The following DYM variants were observed in gnomAD, a reference collection of about 807,000 sequenced individuals.
The protein encoded by DYM is dyggve-Melchior-Clausen syndrome protein.
DYM carries 78 observed loss-of-function variants against 93.1 expected under a neutral mutation model. The ratio of observed to expected loss-of-function variants is 0.84; its 90% CI spans 0.70 to 1.01. DYM has a LOEUF of 1.01. DYM is among the 50% of genes least tolerant of loss of function. DYM has a pLI of 0.00. For missense variants in DYM, 789 were observed against 845.0 expected, an observed-to-expected ratio of 0.93 and a Z score of 0.82; for synonymous variants, 321 against 319.7, an observed-to-expected ratio of 1.00 and a Z score of -0.04.
intron 17 of DYM, among the ~76,000 whole-genome samples, chr18:49,062,367 G>C (rs2076050440): frequency 6.6e-6 from 1 of 152,150 alleles, no homozygotes; most frequent in African/African-American, 2.4e-5. Flanking sequence ...CTCTTATCTA[G>C]CCCAGCTCAG....
At chr18:49,289,727 G>GTATATATATATATATATA (rs386387632) in intron 8 of DYM, among the ~76,000 whole-genome samples, 8 of 85,062 alleles carry the variant, frequency 9.4e-5, no homozygotes, top group Admixed American at 1.5e-4. Flanking sequence ...ATATATATGT[G>GTATATATATATATATATA]TATATATATA....
At chr18:49,366,169 T>A (rs1369319188) in intron 5 of DYM, among the ~76,000 whole-genome samples, 1 of 152,224 alleles carries the variant, frequency 6.6e-6, no homozygotes, top group Non-Finnish European at 1.5e-5. Flanking sequence ...ATTGACAAGA[T>A]TTGACTGCTT....
intron 14 of DYM, among the ~76,000 whole-genome samples, chr18:49,177,057 A>G (rs998924055): frequency 6.6e-6 from 1 of 152,168 alleles, no homozygotes; most frequent in African/African-American, 2.4e-5. Context: ...TTGCACACCA[A>G]GGAAATAGCA....
At chr18:49,353,593 G>C (rs1210085066) in intron 6 of DYM, among the ~76,000 whole-genome samples, 1 of 151,696 alleles carries the variant, frequency 6.6e-6, no homozygotes, top group Non-Finnish European at 1.5e-5. Flanking sequence ...ATATAGCAAG[G>C]GAAAAGGTGC....
At chr18:49,207,386 C>G (rs191285588) in intron 14 of DYM, among the ~76,000 whole-genome samples, 3 of 152,112 alleles carry the variant, frequency 2.0e-5, no homozygotes, top group Non-Finnish European at 4.4e-5. Flanking sequence ...GGAACAGATA[C>G]GTGGTAACAA....
intron 13 of DYM, among the ~76,000 whole-genome samples, chr18:49,211,158 G>A (rs1323857330): frequency 6.6e-6 from 1 of 152,138 alleles, no homozygotes; most frequent in African/African-American, 2.4e-5. Flanking sequence ...TCACCCATTG[G>A]CAGCTTTATA....
chr18:49,317,103 T>C (rs949681111), intron 8 of DYM, among the ~76,000 whole-genome samples: 7 of 152,182 alleles, frequency 4.6e-5, no homozygotes, highest in Non-Finnish European at 8.8e-5. Flanking sequence ...CTGTCACAAA[T>C]GTAGTACACT....
At chr18:49,324,404 A>T (rs940268567) in intron 8 of DYM, among the ~76,000 whole-genome samples, 2 of 152,222 alleles carry the variant, frequency 1.3e-5, no homozygotes, top group African/African-American at 4.8e-5. Flanking sequence ...CCTTTTAGAT[A>T]AATTAGTCAA....
intron 13 of DYM, among the ~76,000 whole-genome samples, chr18:49,253,884 T>C (rs1167101791): frequency 1.3e-5 from 2 of 152,170 alleles, no homozygotes; most frequent in African/African-American, 4.8e-5. Context: ...TCCTTTCGAT[T>C]ATTCTAAACT....
chr18:49,427,604 C>T (rs1218801184), intron 2 of DYM, among the ~76,000 whole-genome samples: 1 of 151,718 alleles, frequency 6.6e-6, no homozygotes, highest in East Asian at 1.9e-4. Context: ...AAAGACTTTA[C>T]GATACTTAAA....
intron 8 of DYM, among the ~76,000 whole-genome samples, chr18:49,308,511 C>T (rs1568217979): frequency 6.6e-6 from 1 of 152,160 alleles, no homozygotes; most frequent in Non-Finnish European, 1.5e-5. Flanking sequence ...GTCCTACCGT[C>T]TACTAGTTGT....
intron 8 of DYM, among the ~76,000 whole-genome samples, chr18:49,318,201 C>T (rs940155565): frequency 2.6e-5 from 4 of 152,152 alleles, no homozygotes; most frequent in Admixed American, 6.5e-5. Context: ...GTTCAGGATA[C>T]ACAGAAGCAA....
rs950627098 is a variant in DYM at position 49,289,792 on chromosome 18, C to T, written c.764-3176G>A. Among the ~76,000 whole-genome samples, 548 of 64,806 alleles carry T rather than the reference C, an allele frequency of 8.5e-3. 9 individuals carry two copies. Among genetic ancestry groups the T allele is most frequent in the African/African-American group, 0.03 (526 of 17,326 alleles). 42.5% of individuals were successfully genotyped at this position (64,806 alleles called of 152,430 possible). ...ATATATACACATATATATATATACA[C>T]ACATATATATATATATACACATATA... On this transcript the variant is annotated intron_variant, in intron 8 of 17. Transcript: ENST00000675505.
intron 6 of DYM, among the ~76,000 whole-genome samples, chr18:49,340,636 C>T (rs1204735826): frequency 6.6e-6 from 1 of 152,110 alleles, no homozygotes; most frequent in African/African-American, 2.4e-5. Context: ...AGTCTAAAAC[C>T]AGGGCTTGTG....
At chr18:49,321,281 T>C (rs370909190) in intron 8 of DYM, 2 of 397,922 alleles carry the variant, frequency 5.0e-6, no homozygotes, top group Admixed American at 4.4e-5. Context: ...TCATCTGCAA[T>C]TGATTGCTTT....
intron 6 of DYM, among the ~76,000 whole-genome samples, chr18:49,355,754 T>C (rs1005470734): frequency 1.3e-5 from 2 of 152,188 alleles, no homozygotes; most frequent in Non-Finnish European, 2.9e-5. Context: ...TTCTGTACTT[T>C]CTGCTCAATT....
intron 6 of DYM, among the ~76,000 whole-genome samples, chr18:49,357,434 T>C (rs560830314): frequency 1.3e-5 from 2 of 152,350 alleles, no homozygotes; most frequent in South Asian, 4.1e-4. Context: ...CTAATTAATC[T>C]ACTAGTCCCT....
intron 17 of DYM, among the ~76,000 whole-genome samples, chr18:49,080,417 G>T (rs1267739966): frequency 1.5e-5 from 2 of 135,310 alleles, no homozygotes; most frequent in East Asian, 4.7e-4. Flanking sequence ...CGGACGGGGT[G>T]GCTGGCCCGG....
chr18:49,421,470 G>A (rs2073703549), intron 2 of DYM, among the ~76,000 whole-genome samples: 1 of 152,072 alleles, frequency 6.6e-6, no homozygotes, highest in African/African-American at 2.4e-5. Context: ...CAAACAGAAA[G>A]GACATCCACA....
Sources: gnomAD v4.1 joint callset for allele counts (sites outside exome capture counted in the v4.1 genomes callset) on GRCh38, gnomAD v4.1.1 for gene constraint, MANE v1.5 for transcripts, NCBI Gene and HGNC (gene_info 2026-07-23, HGNC 2026-07-21) for gene names.